PHACTR1: variants seen among roughly 807,000 people sequenced by gnomAD.
The protein encoded by PHACTR1 is RPEL repeat containing 1.
Under a neutral mutation model 69.2 loss-of-function variants are expected in PHACTR1, and 16 were observed. That is an observed-to-expected ratio of 0.23 (90% CI 0.16 to 0.35). The LOEUF (loss-of-function observed/expected upper bound fraction) is 0.35. Among genes scored for constraint, PHACTR1 ranks in the 10% least tolerant of loss-of-function variants. The probability of loss-of-function intolerance (pLI) is 1.00; values close to 1 mark genes in which losing one functional copy is unlikely to be tolerated. For missense variants in PHACTR1, 510 were observed against 734.7 expected, an observed-to-expected ratio of 0.69 and a Z score of 3.54; for synonymous variants, 312 against 284.5, an observed-to-expected ratio of 1.10 and a Z score of -0.97.
At chr6:12,815,793 A>C (rs1351985486) in intron 4 of PHACTR1, among the ~76,000 whole-genome samples, 1 of 152,212 alleles carries the variant, frequency 6.6e-6, no homozygotes, top group Non-Finnish European at 1.5e-5. Context: ...ACTTAACTGA[A>C]CACCAAATAG....
intron 5 of PHACTR1, among the ~76,000 whole-genome samples, chr6:13,114,601 G>T (rs1327834759): frequency 6.6e-6 from 1 of 152,232 alleles, no homozygotes; most frequent in Admixed American, 6.5e-5. Context: ...TAGCTCAGCA[G>T]TTCTCAATCC....
At chr6:12,724,319 T>C (rs1762514602) in intron 3 of PHACTR1, among the ~76,000 whole-genome samples, 1 of 152,050 alleles carries the variant, frequency 6.6e-6, no homozygotes, top group Non-Finnish European at 1.5e-5. Context: ...AGAGCGAGAC[T>C]CCATCTCAAA....
At chr6:12,720,673 C>T (rs532569426) in intron 3 of PHACTR1, among the ~76,000 whole-genome samples, 4 of 152,272 alleles carry the variant, frequency 2.6e-5, no homozygotes, top group African/African-American at 7.2e-5. Context: ...GCAGGAGGGG[C>T]GGGGGTTCCC....
chr6:13,070,101 C>T (rs1176791853), intron 5 of PHACTR1, among the ~76,000 whole-genome samples: 1 of 152,146 alleles, frequency 6.6e-6, no homozygotes, highest in Non-Finnish European at 1.5e-5. Context: ...TCCAATAGCA[C>T]CCTGACTCTA....
intron 4 of PHACTR1, among the ~76,000 whole-genome samples, chr6:12,840,844 C>T (rs905806353): frequency 6.6e-6 from 1 of 152,166 alleles, no homozygotes; most frequent in Non-Finnish European, 1.5e-5. Context: ...AAGGAGAGTA[C>T]TATGCATGAA....
chr6:12,928,745 C>G (rs954764985), intron 4 of PHACTR1, among the ~76,000 whole-genome samples: 4 of 152,006 alleles, frequency 2.6e-5, no homozygotes, highest in Non-Finnish European at 4.4e-5. Flanking sequence ...AGGGAGAGCC[C>G]AGCCCCCTGG....
At chr6:12,801,931 A>G (rs1328142512) in intron 4 of PHACTR1, among the ~76,000 whole-genome samples, 1 of 151,900 alleles carries the variant, frequency 6.6e-6, no homozygotes, top group Non-Finnish European at 1.5e-5. Flanking sequence ...ATTGTCAGAC[A>G]TTGTCTTTTG....
chr6:13,238,416 CTCTG>C (rs1772331554), intron 10 of PHACTR1, among the ~76,000 whole-genome samples: 1 of 152,138 alleles, frequency 6.6e-6, no homozygotes, highest in Non-Finnish European at 1.5e-5. Flanking sequence ...TAGTATGTTA[CTCTG>C]TCTTATTTAG....
chr6:12,857,658 T>C (rs1443197973), intron 4 of PHACTR1, among the ~76,000 whole-genome samples: 2 of 151,934 alleles, frequency 1.3e-5, no homozygotes, highest in Non-Finnish European at 2.9e-5. Flanking sequence ...ATGAAGACGA[T>C]CTTGCTGAAT....
intron 5 of PHACTR1, among the ~76,000 whole-genome samples, chr6:13,140,418 G>A (rs1353379812): frequency 2.0e-5 from 3 of 152,110 alleles, no homozygotes; most frequent in Non-Finnish European, 4.4e-5. Flanking sequence ...ATTTTAAAAA[G>A]TGGCCTATAT....
chr6:12,889,797 C>CTT (rs4053036), intron 4 of PHACTR1, among the ~76,000 whole-genome samples: 75,840 of 132,758 alleles, frequency 0.57, 22,773 homozygotes, highest in East Asian at 0.91. Flanking sequence ...CTCCTTCTTC[C>CTT]TTTTTTTTTT....
intron 4 of PHACTR1, among the ~76,000 whole-genome samples, chr6:12,803,886 C>T (rs764869596): frequency 2.6e-5 from 4 of 152,166 alleles, no homozygotes. Flanking sequence ...CCCCTCAACC[C>T]CACCCCATTT....
chr6:13,207,681 G>A (rs1351146943), intron 8 of PHACTR1, among the ~76,000 whole-genome samples: 1 of 152,188 alleles, frequency 6.6e-6, no homozygotes, highest in Non-Finnish European at 1.5e-5. Context: ...GAGGCACATT[G>A]CTTGACTGAG....
intron 4 of PHACTR1, among the ~76,000 whole-genome samples, chr6:12,982,454 G>A (rs1471129736): frequency 2.0e-5 from 3 of 152,258 alleles, no homozygotes; most frequent in Non-Finnish European, 2.9e-5. Context: ...GCCAAGGCGG[G>A]TGGATCATGA....
intron 3 of PHACTR1, among the ~76,000 whole-genome samples, chr6:12,737,446 G>A (rs1263082986): frequency 1.3e-5 from 2 of 151,870 alleles, no homozygotes; most frequent in African/African-American, 4.8e-5. Context: ...TGTCCAGAGA[G>A]ATGAGGGAGG....
At chr6:12,724,502 T>A (rs964070044) in intron 3 of PHACTR1, among the ~76,000 whole-genome samples, 3 of 152,214 alleles carry the variant, frequency 2.0e-5, no homozygotes, top group Non-Finnish European at 4.4e-5. Context: ...TTGAAAGGGC[T>A]GTACATTTAG....
chr6:12,993,729 C>T (rs1179949491), intron 4 of PHACTR1, among the ~76,000 whole-genome samples: 1 of 152,222 alleles, frequency 6.6e-6, no homozygotes, highest in African/African-American at 2.4e-5. Context: ...GAAATTGAAA[C>T]TGAAAGCCTA....
intron 4 of PHACTR1, among the ~76,000 whole-genome samples, chr6:13,030,694 G>C (rs558064550): frequency 1.3e-5 from 2 of 152,334 alleles, no homozygotes; most frequent in Non-Finnish European, 2.9e-5. Flanking sequence ...TGAAACAGCT[G>C]TCTGTTGGTA....
At chr6:13,101,659 T>C (rs939097622) in intron 5 of PHACTR1, among the ~76,000 whole-genome samples, 1 of 152,182 alleles carries the variant, frequency 6.6e-6, no homozygotes, top group Non-Finnish European at 1.5e-5. Flanking sequence ...CAAAACAGTA[T>C]ATTGAGTGGT....
Sources: allele counts gnomAD v4.1 joint callset (sites outside exome capture counted in the v4.1 genomes callset), GRCh38; gene constraint gnomAD v4.1.1; transcripts MANE v1.5; gene names NCBI Gene and HGNC (gene_info 2026-07-23, HGNC 2026-07-21).